Variants in GRXCR1 observed in about 807,000 individuals in gnomAD.
GRXCR1 encodes glutaredoxin domain-containing cysteine-rich protein 1.
GRXCR1 carries 27 observed loss-of-function variants against 27.3 expected under a neutral mutation model. The observed-to-expected ratio is 0.99, with a 90% CI of 0.73 to 1.37. GRXCR1 has a LOEUF of 1.37. Ranked by LOEUF, GRXCR1 falls within the 40% of genes most tolerant of loss-of-function variation. The probability of loss-of-function intolerance (pLI) is 0.00; values close to 1 mark genes in which losing one functional copy is unlikely to be tolerated. For synonymous variants in GRXCR1, 122 were observed against 131.1 expected, an observed-to-expected ratio of 0.93 and a Z score of 0.47; for missense variants, 379 against 354.4, an observed-to-expected ratio of 1.07 and a Z score of -0.56.
At position 42,913,226 on chromosome 4, in the gene GRXCR1, G is replaced by A. The variant is rs529070780; in HGVS notation, c.384+19576G>A. 1.8e-4 allele frequency among the ~76,000 whole-genome samples: 28 copies of A among 152,336 alleles called. No individual in the cohort carries two copies. The South Asian group carries it at 2.9e-3, about 16-fold the overall frequency. ...AATGTGGAAGTGTCTTTGGAACTGA[G>A]TAACAGGAACAAGTTGGAACACTTT... On this transcript the variant is annotated intron_variant, in intron 1 of 3. Coordinates refer to ENST00000399770, the MANE Select transcript of GRXCR1 (RefSeq NM_001080476.3).
chr4:43,030,629 G>A lies in GRXCR1; in HGVS notation c.*89G>A, dbSNP rs564643132. 2.0e-4 allele frequency: 200 copies of A among 1,023,034 alleles called. No homozygotes were observed. Among genetic ancestry groups the A allele is most frequent in the Middle Eastern group, 1.4e-3 (5 of 3,684 alleles). The allele number at this position is 1,023,034 out of a possible 1,614,324, so 63.4% of individuals were successfully genotyped here. ...TATATTTTTAAATGGTTATGTTTAT[G>A]GATTAATCAATAAACTTTGTTTATT... On this transcript the variant is annotated 3_prime_UTR_variant, in exon 4 of 4. Transcript: ENST00000399770.
chr4:42,998,290 C>A (rs1712240069), intron 2 of GRXCR1, among the ~76,000 whole-genome samples: 1 of 152,208 alleles, frequency 6.6e-6, no homozygotes, highest in Admixed American at 6.5e-5. Flanking sequence ...TACTTTTCTT[C>A]TGTTGGCTGA....
chr4:42,970,909 A>G lies in GRXCR1; in HGVS notation c.627+7775A>G, dbSNP rs191198803. 2.7e-3 allele frequency among the ~76,000 whole-genome samples: 416 copies of G among 152,312 alleles called. 3 individuals are homozygous for G. Among genetic ancestry groups the G allele is most frequent in the Non-Finnish European group, 3.9e-3 (265 of 68,012 alleles). On this transcript the variant is annotated intron_variant, in intron 2 of 3. Transcript: ENST00000399770. ...GTTATGCTCTTCTTCCCTTTTAAACATAAGTTCCAATTTCAGACAATCTCT... is the reference window on the plus strand; with the variant it reads ...GTTATGCTCTTCTTCCCTTTTAAACGTAAGTTCCAATTTCAGACAATCTCT...
At chr4:42,965,548 G>A (rs1016938757) in intron 2 of GRXCR1, among the ~76,000 whole-genome samples, 1 of 152,004 alleles carries the variant, frequency 6.6e-6, no homozygotes, top group Non-Finnish European at 1.5e-5. Flanking sequence ...CCTCTGCTGG[G>A]TTGGACACCT....
At chr4:42,995,902 T>C (rs1712140666) in intron 2 of GRXCR1, among the ~76,000 whole-genome samples, 1 of 152,210 alleles carries the variant, frequency 6.6e-6, no homozygotes, top group Non-Finnish European at 1.5e-5. Flanking sequence ...AGTGCAACTC[T>C]GCAGTGTACT....
chr4:42,903,752 G>T (rs897816984), intron 1 of GRXCR1, among the ~76,000 whole-genome samples: 3 of 129,148 alleles, frequency 2.3e-5, no homozygotes, highest in African/African-American at 8.2e-5. Context: ...ATTACAAGCT[G>T]ATTTTTTTTC....
intron 1 of GRXCR1, among the ~76,000 whole-genome samples, chr4:42,912,464 G>C (rs1746744592): frequency 6.6e-6 from 1 of 152,140 alleles, no homozygotes; most frequent in African/African-American, 2.4e-5. Context: ...AAACAACCAT[G>C]GGAGGAAGTC....
chr4:43,022,776 C>A (rs1713135337), intron 3 of GRXCR1, among the ~76,000 whole-genome samples: 1 of 152,158 alleles, frequency 6.6e-6, no homozygotes, highest in Non-Finnish European at 1.5e-5. Context: ...TCCCACTTTT[C>A]TGGTTGGCTT....
At chr4:42,913,559 G>A (rs1746812176) in intron 1 of GRXCR1, among the ~76,000 whole-genome samples, 1 of 152,070 alleles carries the variant, frequency 6.6e-6, no homozygotes, top group East Asian at 1.9e-4. Flanking sequence ...AAGAGGAATT[G>A]GAGCATGAAA....
intron 1 of GRXCR1, among the ~76,000 whole-genome samples, chr4:42,896,914 T>C (rs1291332972): frequency 6.6e-6 from 1 of 152,120 alleles, no homozygotes; most frequent in Non-Finnish European, 1.5e-5. Context: ...CCCATGAATA[T>C]TCAAATTTAT....
At chr4:42,912,807 C>T (rs553143827) in intron 1 of GRXCR1, among the ~76,000 whole-genome samples, 17 of 152,178 alleles carry the variant, frequency 1.1e-4, no homozygotes, top group Admixed American at 9.8e-4. Flanking sequence ...TATGTCCCCA[C>T]CTAAATTGCA....
chr4:42,937,543 T>C (rs1747489517), intron 1 of GRXCR1, among the ~76,000 whole-genome samples: 1 of 151,880 alleles, frequency 6.6e-6, no homozygotes, highest in Non-Finnish European at 1.5e-5. Context: ...TATTTCCACA[T>C]CTATAAATAT....
intron 3 of GRXCR1, among the ~76,000 whole-genome samples, chr4:43,029,174 A>G (rs1207546950): frequency 6.6e-6 from 1 of 152,224 alleles, no homozygotes; most frequent in African/African-American, 2.4e-5. Context: ...AAAAATTCTC[A>G]TAATTATATG....
intron 2 of GRXCR1, among the ~76,000 whole-genome samples, chr4:42,998,906 G>C (rs1712261576): frequency 6.6e-6 from 1 of 152,278 alleles, no homozygotes; most frequent in East Asian, 1.9e-4. Context: ...GGCTTTCCCA[G>C]GCATGCAATA....
At chr4:42,940,583 G>A (rs1195524878) in intron 1 of GRXCR1, among the ~76,000 whole-genome samples, 1 of 152,042 alleles carries the variant, frequency 6.6e-6, no homozygotes, top group Admixed American at 6.6e-5. Context: ...TACTTTCTAT[G>A]ATTAGATTGA....
intron 2 of GRXCR1, among the ~76,000 whole-genome samples, chr4:42,997,616 A>G (rs940489250): frequency 1.3e-5 from 2 of 152,148 alleles, no homozygotes; most frequent in African/African-American, 4.8e-5. Context: ...TCCTCCCCAC[A>G]GTCACCTCCC....
intron 3 of GRXCR1, among the ~76,000 whole-genome samples, chr4:43,027,981 C>G (rs1035749268): frequency 3.3e-5 from 5 of 152,134 alleles, no homozygotes; most frequent in African/African-American, 1.2e-4. Flanking sequence ...TGGTGACATG[C>G]ACCTGTAATC....
intron 2 of GRXCR1, among the ~76,000 whole-genome samples, chr4:42,984,878 T>G (rs530306682): frequency 6.6e-6 from 1 of 152,214 alleles, no homozygotes; most frequent in Admixed American, 6.5e-5. Context: ...TGCCTGGTGC[T>G]GAAGTGGGTC....
rs114509554 is a variant in GRXCR1, at chr4:42,951,579, A to G, written c.385-11313A>G. ...GTCATCGTAATGCTGCAATGAACGT[A>G]TGTGTTCATGTATCTTTATGATAGA... On this transcript the variant is annotated intron_variant, in intron 1 of 3. Coordinates refer to ENST00000399770, the MANE Select transcript of GRXCR1 (RefSeq NM_001080476.3). 1.3e-3 allele frequency among the ~76,000 whole-genome samples: 197 copies of G among 152,262 alleles called. 1 individual carries two copies. The highest frequency in any genetic ancestry group is 4.5e-3 in the African/African-American group (188 of 41,544).
Sources: gnomAD v4.1 joint callset for allele counts (sites outside exome capture counted in the v4.1 genomes callset) on GRCh38, gnomAD v4.1.1 for gene constraint, MANE v1.5 for transcripts, NCBI Gene and HGNC (gene_info 2026-07-23, HGNC 2026-07-21) for gene names.